HTR3B: variants seen among roughly 807,000 people sequenced by gnomAD.
HTR3B encodes 5-hydroxytryptamine (serotonin) receptor 3B, ionotropic.
HTR3B carries 44 observed loss-of-function variants against 42.8 expected under a neutral mutation model. The ratio of observed to expected loss-of-function variants is 1.03; its 90% CI spans 0.81 to 1.32. The LOEUF (loss-of-function observed/expected upper bound fraction) is 1.32. HTR3B is among the 40% of genes most tolerant of loss of function. The pLI is 0.00. For missense variants in HTR3B, 527 were observed against 536.5 expected, an observed-to-expected ratio of 0.98 and a Z score of 0.17; for synonymous variants, 203 against 209.0, an observed-to-expected ratio of 0.97 and a Z score of 0.25.
chr11:113,943,411 A>G (rs1009736234), intron 7 of HTR3B, among the ~76,000 whole-genome samples: 7 of 152,152 alleles, frequency 4.6e-5, no homozygotes, highest in African/African-American at 1.7e-4. Context: ...CATACTCACT[A>G]CAACCTCTGC....
intron 2 of HTR3B, among the ~76,000 whole-genome samples, chr11:113,916,363 T>C (rs1338263363): frequency 6.6e-6 from 1 of 152,232 alleles, no homozygotes; most frequent in African/African-American, 2.4e-5. Flanking sequence ...GTTATTTATA[T>C]ACTCTGAGCT....
intron 2 of HTR3B, among the ~76,000 whole-genome samples, chr11:113,911,877 C>T (rs1949798290): frequency 6.6e-6 from 1 of 152,100 alleles, no homozygotes. Context: ...GAAAAGGTCC[C>T]TTGTTCCCTT....
chr11:113,905,171 G>A (rs1949726007), intron 1 of HTR3B, among the ~76,000 whole-genome samples, 186 bp downstream of exon 1: 1 of 152,016 alleles, frequency 6.6e-6, no homozygotes, highest in Non-Finnish European at 1.5e-5. Flanking sequence ...TCCTATGATT[G>A]CAAATACGTA....
intron 2 of HTR3B, among the ~76,000 whole-genome samples, chr11:113,912,003 G>A (rs189135635): frequency 2.0e-5 from 3 of 152,128 alleles, no homozygotes; most frequent in Admixed American, 2.0e-4. Context: ...TTTATTGTGT[G>A]TACTCGATTG....
chr11:113,907,319 T>C (rs1949741241), intron 1 of HTR3B, among the ~76,000 whole-genome samples: 1 of 152,230 alleles, frequency 6.6e-6, no homozygotes, highest in African/African-American at 2.4e-5. Context: ...AGTCATTTAG[T>C]GCTTGTGTGA....
At position 113,915,993 on chromosome 11, in the gene HTR3B, C is replaced by T. The variant is rs529302428; in HGVS notation, c.213+6538C>T. On this transcript the variant is annotated intron_variant, in intron 2 of 8. Coordinates refer to ENST00000260191, the MANE Select transcript of HTR3B (RefSeq NM_006028.5). ...GGCTGGGATTACAGGCACCCACGAC[C>T]GTGCCTGGCTAATTTTTGTACTTTT... Among the ~76,000 whole-genome samples the T allele has an allele frequency of 1.6e-4, 25 of 152,308 alleles. No individual in the cohort carries two copies. In the South Asian group the frequency reaches 3.9e-3, roughly 24 times the overall value.
intron 2 of HTR3B, among the ~76,000 whole-genome samples, chr11:113,921,158 T>A (rs989626018): frequency 6.6e-6 from 1 of 151,484 alleles, no homozygotes; most frequent in African/African-American, 2.4e-5. Flanking sequence ...TTTTTTATTT[T>A]TTTTTTGAGT....
Position 113,947,312 on chromosome 11 carries a change from A to C in HTR3B, c.*1175A>C, listed in dbSNP as rs1185606142. On this transcript the variant is annotated 3_prime_UTR_variant, in exon 9 of 9. Coordinates refer to ENST00000260191, the MANE Select transcript of HTR3B (RefSeq NM_006028.5). Reference sequence around the variant, plus strand: ...AGCAGGTGCCAAGGCTTCTAAGCCCAGTCTAGCACATCATTTAGTCCACAC... The same window carrying C: ...AGCAGGTGCCAAGGCTTCTAAGCCCCGTCTAGCACATCATTTAGTCCACAC... Among the ~76,000 whole-genome samples, 1 of 152,160 alleles carries C rather than the reference A, an allele frequency of 6.6e-6. No homozygotes were observed. Among genetic ancestry groups the C allele is most frequent in the African/African-American group, 2.4e-5 (1 of 41,448 alleles).
At chr11:113,914,022 C>T (rs1273285112) in intron 2 of HTR3B, among the ~76,000 whole-genome samples, 1 of 151,738 alleles carries the variant, frequency 6.6e-6, no homozygotes, top group Non-Finnish European at 1.5e-5. Flanking sequence ...ACTTTCCAGA[C>T]CCCAGAGCTG....
At chr11:113,931,654 A>G in intron 3 of HTR3B, 104 bp from the exon 4 acceptor site, 1 of 769,032 alleles carries the variant, frequency 1.3e-6, no homozygotes. Context: ...GGTAGAACCA[A>G]GAGGCTGATA....
At chr11:113,932,676 T>C (rs932503357) in intron 5 of HTR3B, among the ~76,000 whole-genome samples, 6 of 152,114 alleles carry the variant, frequency 3.9e-5, no homozygotes, top group African/African-American at 1.4e-4. Flanking sequence ...TCTACTGCCA[T>C]GGATAATATT....
chr11:113,943,118 T>C lies in HTR3B; in HGVS notation c.833T>C (p.Leu278Pro). ...AGGATTGTGTTCAAGACCAGTGTGC[T>C]GGTGGGCTACACCGTCTTCAGGGTC... The part of the protein sequence containing the change: ...RARIVFKTSV[L>P]VGYTVFRVNM... The change falls in exon 7 of 9, where the codon CTG becomes CCG. Residue 278 changes from leucine to proline, a missense_variant. By Grantham distance (98) the Leu-to-Pro change is moderately conservative. Transcript: ENST00000260191. The C allele has an allele frequency of 6.2e-7, 1 of 1,614,142 alleles. No homozygotes were observed. Among genetic ancestry groups the C allele is most frequent in the South Asian group, 1.1e-5 (1 of 91,082 alleles).
chr11:113,929,237 T>C (rs1950007760), intron 2 of HTR3B, among the ~76,000 whole-genome samples: 1 of 152,260 alleles, frequency 6.6e-6, no homozygotes, highest in African/African-American at 2.4e-5. Flanking sequence ...TGTATCTCAT[T>C]GTGGTTTTGA....
At position 113,926,559 on chromosome 11, in the gene HTR3B, C is replaced by T. The variant is rs577889439; in HGVS notation, c.214-4825C>T. ...TTTTTTTCTTTTTCAGACAGAGTCT[C>T]ACTCTGTCACCCAGGCTGGAATGCA... is the stretch of plus-strand genomic sequence containing the variant. On this transcript the variant is annotated intron_variant, in intron 2 of 8. Coordinates refer to ENST00000260191, the MANE Select transcript of HTR3B (RefSeq NM_006028.5). 2.4e-4 allele frequency among the ~76,000 whole-genome samples: 29 copies of T among 122,252 alleles called. 1 individual carries two copies. Among genetic ancestry groups the T allele is most frequent in the South Asian group, 1.4e-3 (5 of 3,664 alleles). The allele number at this position is 122,252 out of a possible 152,430, so 80.2% of individuals were successfully genotyped here.
chr11:113,936,197 T>A (rs1215793948), intron 6 of HTR3B, among the ~76,000 whole-genome samples: 1 of 152,094 alleles, frequency 6.6e-6, no homozygotes, highest in Non-Finnish European at 1.5e-5. Flanking sequence ...GTGGTTTTTT[T>A]CTTTTTTTTC....
At chr11:113,944,943 A>G (rs1014988160) in intron 8 of HTR3B, among the ~76,000 whole-genome samples, 188 bp downstream of exon 8, 1 of 152,086 alleles carries the variant, frequency 6.6e-6, no homozygotes, top group African/African-American at 2.4e-5. Context: ...GGCTTTCTAG[A>G]AAGTCTCATT....
At chr11:113,939,819 C>A (rs560477573) in intron 6 of HTR3B, among the ~76,000 whole-genome samples, 1 of 151,944 alleles carries the variant, frequency 6.6e-6, no homozygotes, top group Non-Finnish European at 1.5e-5. Flanking sequence ...ACTCCATCAT[C>A]CAGGAGGACT....
chr11:113,922,524 G>A (rs1000968733), intron 2 of HTR3B, among the ~76,000 whole-genome samples: 6 of 151,816 alleles, frequency 4.0e-5, no homozygotes, highest in African/African-American at 1.5e-4. Flanking sequence ...ATGAGCCGCC[G>A]GGCTGAGCCA....
Position 113,916,452 on chromosome 11 carries a change from C to T in HTR3B, c.213+6997C>T, listed in dbSNP as rs1949855082. ...TACCACACTGTTTTCATTACTGTAG[C>T]ATTATGGAAGTCTTGAAATAAGATA... On this transcript the variant is annotated intron_variant, in intron 2 of 8. Transcript: ENST00000260191. Among the ~76,000 whole-genome samples the T allele has an allele frequency of 2.0e-5, 3 of 152,198 alleles. No individual in the cohort carries two copies. The South Asian group carries it at 6.2e-4, about 32-fold the overall frequency.
Sources: allele counts gnomAD v4.1 joint callset (sites outside exome capture counted in the v4.1 genomes callset), GRCh38; gene constraint gnomAD v4.1.1; transcripts MANE v1.5; gene names NCBI Gene and HGNC (gene_info 2026-07-23, HGNC 2026-07-21).